The following SULF1 variants were observed in gnomAD, a reference collection of about 807,000 sequenced individuals.
SULF1 encodes extracellular sulfatase Sulf-1.
A neutral mutation model predicts 110.5 loss-of-function variants in SULF1; 46 were observed. The observed-to-expected ratio is 0.42, with a 90% CI of 0.33 to 0.53. The LOEUF is 0.53. SULF1 is among the 20% of genes least tolerant of loss of function. The probability of loss-of-function intolerance (pLI) is 0.12; values close to 1 mark genes in which losing one functional copy is unlikely to be tolerated. For missense variants in SULF1, 941 were observed against 1,094.2 expected (o/e 0.86, Z 1.98); for synonymous variants, 371 against 387.1 (o/e 0.96, Z 0.49).
intron 6 of SULF1, among the ~76,000 whole-genome samples, chr8:69,585,592 A>G (rs1806396203): frequency 6.6e-6 from 1 of 152,176 alleles, no homozygotes; most frequent in African/African-American, 2.4e-5. Flanking sequence ...GTGACATGCC[A>G]AAGTTATAAA....
At chr8:69,478,118 G>T (rs964888859) in intron 1 of SULF1, among the ~76,000 whole-genome samples, 2 of 152,082 alleles carry the variant, frequency 1.3e-5, no homozygotes, top group African/African-American at 4.8e-5. Context: ...ATTCCAAAGT[G>T]CTAGGATTAC....
chr8:69,493,872 A>T (rs1395197220), intron 1 of SULF1, among the ~76,000 whole-genome samples: 1 of 152,240 alleles, frequency 6.6e-6, no homozygotes, highest in Non-Finnish European at 1.5e-5. Flanking sequence ...CTTCTCAGAG[A>T]TTATGCTCAC....
chr8:69,607,604 T>C (rs1479217621), intron 13 of SULF1, among the ~76,000 whole-genome samples: 1 of 152,186 alleles, frequency 6.6e-6, no homozygotes, highest in Non-Finnish European at 1.5e-5. Flanking sequence ...ACTCAAGTGA[T>C]CCACCCACCT....
At chr8:69,643,214 T>C (rs1340575283) in intron 22 of SULF1, among the ~76,000 whole-genome samples, 1 of 152,190 alleles carries the variant, frequency 6.6e-6, no homozygotes, top group African/African-American at 2.4e-5. Context: ...AACACCCAAA[T>C]GCAGTGTTTG....
intron 3 of SULF1, among the ~76,000 whole-genome samples, chr8:69,548,843 G>A (rs186348613): frequency 6.6e-6 from 1 of 152,186 alleles, no homozygotes; most frequent in East Asian, 1.9e-4. Flanking sequence ...ACTCTTTAAA[G>A]ACCAGGAAAT....
chr8:69,573,765 C>G (rs1388530904), intron 5 of SULF1, among the ~76,000 whole-genome samples: 1 of 152,222 alleles, frequency 6.6e-6, no homozygotes, highest in Non-Finnish European at 1.5e-5. Flanking sequence ...GATCAACCAA[C>G]ACAAATATAA....
At chr8:69,532,727 T>C (rs569887379) in intron 3 of SULF1, among the ~76,000 whole-genome samples, 1 of 152,360 alleles carries the variant, frequency 6.6e-6, no homozygotes, top group South Asian at 2.1e-4. Flanking sequence ...TCTTGAACTT[T>C]ATTAGGTTTA....
At position 69,564,810 on chromosome 8, in the gene SULF1, C is replaced by A. The variant is rs150697448; in HGVS notation, c.172+663C>A. On this transcript the variant is annotated intron_variant, in intron 5 of 22. Transcript: ENST00000402687. ...CACCGTCTTCAATGGCCCAGCCCTA[C>A]GGTCTTGTTCATAAGCCAAGGGCCA... is the stretch of plus-strand genomic sequence containing the variant. Among the ~76,000 whole-genome samples, 143 of 152,224 alleles carry A rather than the reference C, an allele frequency of 9.4e-4. 1 individual carries two copies. Among genetic ancestry groups the A allele is most frequent in the Non-Finnish European group, 1.2e-3 (84 of 68,044 alleles).
chr8:69,535,687 G>C (rs937242093), intron 3 of SULF1, among the ~76,000 whole-genome samples: 1 of 152,070 alleles, frequency 6.6e-6, no homozygotes, highest in African/African-American at 2.4e-5. Flanking sequence ...GCAGGTATTA[G>C]AAAATGTATG....
rs117661782 is a variant in SULF1 at position 69,606,395 on chromosome 8, A to G, written c.1377+1463A>G. Among the ~76,000 whole-genome samples the G allele has an allele frequency of 3.7e-4, 56 of 152,352 alleles. 1 individual carries two copies. In the East Asian group the frequency reaches 9.6e-3, roughly 26 times the overall value. On this transcript the variant is annotated intron_variant, in intron 13 of 22. Coordinates refer to ENST00000402687, the MANE Select transcript of SULF1 (RefSeq NM_001128205.2). ...ATGAAACCTCCAAATATTATTATGA[A>G]TAAAACCTCAGAATTGTTTTGTAGC...
chr8:69,483,898 A>G (rs1214576131), intron 1 of SULF1, among the ~76,000 whole-genome samples: 1 of 152,254 alleles, frequency 6.6e-6, no homozygotes, highest in Non-Finnish European at 1.5e-5. Context: ...GCTAAGATTT[A>G]TTAAATACAT....
intron 8 of SULF1, among the ~76,000 whole-genome samples, chr8:69,599,584 A>G (rs35143933): frequency 0.32 from 48,406 of 152,164 alleles, 9,214 homozygotes; most frequent in East Asian, 0.45. Flanking sequence ...TGTATATAAA[A>G]TGGTTTGCAT....
rs116426862 is a variant in SULF1, at chr8:69,560,403, C to T, written c.-133-3136C>T. Among the ~76,000 whole-genome samples the T allele has an allele frequency of 6.8e-3, 1,038 of 151,780 alleles. 9 individuals are homozygous for T. The highest frequency in any genetic ancestry group is 0.023 in the African/African-American group (948 of 41,316). On this transcript the variant is annotated intron_variant, in intron 3 of 22. Coordinates refer to ENST00000402687, the MANE Select transcript of SULF1 (RefSeq NM_001128205.2). Reference sequence around the variant, plus strand: ...ATGCCACTTTTATAGTTTGGCTTGACGGCCCTAAGCCACCCTAAACAAAGT... The same window carrying T: ...ATGCCACTTTTATAGTTTGGCTTGATGGCCCTAAGCCACCCTAAACAAAGT...
chr8:69,578,574 C>T (rs1474987285), intron 6 of SULF1, among the ~76,000 whole-genome samples: 1 of 144,474 alleles, frequency 6.9e-6, no homozygotes, highest in African/African-American at 2.6e-5. Flanking sequence ...CTTCAGGGCT[C>T]TCTCCAGTGT....
chr8:69,534,991 C>T (rs1439953220), intron 3 of SULF1, among the ~76,000 whole-genome samples: 1 of 151,890 alleles, frequency 6.6e-6, no homozygotes. Context: ...CATGATATAT[C>T]AATTAGAATG....
intron 3 of SULF1, among the ~76,000 whole-genome samples, chr8:69,510,999 A>G (rs1372555458): frequency 6.6e-6 from 1 of 150,570 alleles, no homozygotes; most frequent in Non-Finnish European, 1.5e-5. Flanking sequence ...TTGTCAATGT[A>G]TCAGGTATTC....
At chr8:69,471,665 C>T (rs935304375) in intron 1 of SULF1, among the ~76,000 whole-genome samples, 2 of 152,170 alleles carry the variant, frequency 1.3e-5, no homozygotes, top group Admixed American at 1.3e-4. Context: ...ACCTCTCTAG[C>T]TGTGTGGCCT....
chr8:69,578,484 C>CT (rs1218020046), intron 6 of SULF1, among the ~76,000 whole-genome samples: 2 of 144,124 alleles, frequency 1.4e-5, no homozygotes, highest in Admixed American at 1.4e-4. Flanking sequence ...GGTATATCTC[C>CT]TAATGCTATC....
chr8:69,607,696 T>C (rs1808328478), intron 13 of SULF1, among the ~76,000 whole-genome samples: 1 of 152,222 alleles, frequency 6.6e-6, no homozygotes, highest in Non-Finnish European at 1.5e-5. Context: ...TTTTTATATC[T>C]TGGCCTTTTG....
Sources: allele counts gnomAD v4.1 joint callset (sites outside exome capture counted in the v4.1 genomes callset), GRCh38; gene constraint gnomAD v4.1.1; transcripts MANE v1.5; gene names NCBI Gene and HGNC (gene_info 2026-07-23, HGNC 2026-07-21).